The following PCDH15 variants were observed in gnomAD, a reference collection of about 807,000 sequenced individuals.
PCDH15 encodes protocadherin related 15.
A neutral mutation model predicts 178.5 loss-of-function variants in PCDH15; 129 were observed. That is an observed-to-expected ratio of 0.72 (90% CI 0.63 to 0.84). PCDH15 has a LOEUF of 0.84. Among genes scored for constraint, PCDH15 ranks in the 40% least tolerant of loss-of-function variants. PCDH15 has a pLI of 0.00. For synonymous variants in PCDH15, 800 were observed against 732.0 expected (o/e 1.09, Z -1.50); for missense variants, 2,230 against 2,099.9 (o/e 1.06, Z -1.21).
intron 25 of PCDH15, 51 bp downstream of exon 25, chr10:53,938,764 T>A (rs758227097): frequency 7.0e-6 from 11 of 1,579,522 alleles, no homozygotes; most frequent in Middle Eastern, 3.3e-4. Flanking sequence ...TTTAAAAAAT[T>A]AGCAGAGACA....
intron 13 of PCDH15, among the ~76,000 whole-genome samples, chr10:54,180,233 A>T (rs561095881): frequency 6.6e-6 from 1 of 152,348 alleles, no homozygotes; most frequent in African/African-American, 2.4e-5. Context: ...GCTTTTTGAA[A>T]AAATCAAGTG....
intron 2 of PCDH15, among the ~76,000 whole-genome samples, chr10:55,333,320 G>C (rs1844263412): frequency 6.6e-6 from 1 of 152,068 alleles, no homozygotes; most frequent in Non-Finnish European, 1.5e-5. Flanking sequence ...GAGAGAGGGT[G>C]AGACTGGCAA....
At chr10:55,540,939 G>C (rs1841745184) in intron 2 of PCDH15, among the ~76,000 whole-genome samples, 1 of 151,914 alleles carries the variant, frequency 6.6e-6, no homozygotes, top group Non-Finnish European at 1.5e-5. Context: ...TATTAAATTT[G>C]TCTTGTGACA....
intron 1 of PCDH15, among the ~76,000 whole-genome samples, chr10:54,724,920 AG>A: frequency 6.6e-6 from 1 of 150,508 alleles, no homozygotes; most frequent in Non-Finnish European, 1.5e-5. Flanking sequence ...ATATAGATAT[AG>A]ATATAGATAT....
At chr10:55,557,068 T>A (rs1842104794) in intron 2 of PCDH15, among the ~76,000 whole-genome samples, 1 of 152,162 alleles carries the variant, frequency 6.6e-6, no homozygotes, top group Non-Finnish European at 1.5e-5. Context: ...AAACACATTC[T>A]TTAGCATTCC....
chr10:53,844,780 T>C (rs2077868879), intron 28 of PCDH15, among the ~76,000 whole-genome samples: 1 of 151,942 alleles, frequency 6.6e-6, no homozygotes. Flanking sequence ...AAACTACTAG[T>C]AGAAAATATT....
Position 54,754,573 on chromosome 10 carries a change from C to T in PCDH15, c.-29+46352G>A, listed in dbSNP as rs1373987929. ...GTAATACAGAAATAAATTTTCACTA[C>T]AAAGAAATTTTGAATAAGTATTGAC... On this transcript the variant is annotated intron_variant, in intron 1 of 37. Coordinates refer to ENST00000644397, the MANE Select transcript of PCDH15 (RefSeq NM_001384140.1). Among the ~76,000 whole-genome samples the T allele has an allele frequency of 3.9e-5, 6 of 151,928 alleles. No individual in the cohort carries two copies. In the East Asian group the frequency reaches 9.6e-4, roughly 24 times the overall value.
At chr10:54,398,238 A>C (rs1479443317) in intron 3 of PCDH15, among the ~76,000 whole-genome samples, 1 of 151,904 alleles carries the variant, frequency 6.6e-6, no homozygotes, top group Non-Finnish European at 1.5e-5. Flanking sequence ...GTTTAAAAAA[A>C]AATTAGTCTT....
At chr10:53,955,075 T>C (rs1325402099) in intron 23 of PCDH15, among the ~76,000 whole-genome samples, 1 of 152,142 alleles carries the variant, frequency 6.6e-6, no homozygotes, top group Non-Finnish European at 1.5e-5. Flanking sequence ...AGCATTCCTC[T>C]CCCCTAGTTA....
At chr10:54,738,369 T>C (rs1303361650) in intron 1 of PCDH15, among the ~76,000 whole-genome samples, 1 of 152,084 alleles carries the variant, frequency 6.6e-6, no homozygotes. Context: ...TTCTGTAAGG[T>C]AACAATGTGG....
intron 2 of PCDH15, among the ~76,000 whole-genome samples, chr10:55,007,695 G>C (rs532045625): frequency 1.3e-5 from 2 of 151,982 alleles, no homozygotes; most frequent in African/African-American, 4.8e-5. Flanking sequence ...TGTCCTACAG[G>C]TCATATTTTA....
At chr10:55,005,226 A>AATAATAATAATAATCATC (rs34847205) in intron 2 of PCDH15, among the ~76,000 whole-genome samples, 22,088 of 146,258 alleles carry the variant, frequency 0.15, 2,161 homozygotes, top group East Asian at 0.36. Flanking sequence ...TAATAATAAT[A>AATAATAATAATAATCATC]ATCAATGGAG....
intron 1 of PCDH15, among the ~76,000 whole-genome samples, chr10:54,677,568 T>C (rs2094814386): frequency 6.6e-6 from 1 of 152,006 alleles, no homozygotes; most frequent in Non-Finnish European, 1.5e-5. Flanking sequence ...AGAATCTAAG[T>C]GTCCATAAAA....
rs563928248 is a variant in PCDH15, at chr10:55,532,456, C to T, written c.-156+95169G>A. On this transcript the variant is annotated intron_variant, in intron 2 of 5. Coordinates refer to the PCDH15 transcript ENST00000613346. ...TTAACAAACATTTTCTGAGTGACTTCTATGTGCTGTGATAGGTGCAATGGA... is the reference window on the plus strand; with the variant it reads ...TTAACAAACATTTTCTGAGTGACTTTTATGTGCTGTGATAGGTGCAATGGA... 5.3e-5 allele frequency among the ~76,000 whole-genome samples: 8 copies of T among 152,168 alleles called. No homozygotes were observed. In the East Asian group the frequency reaches 1.5e-3, roughly 29 times the overall value.
intron 1 of PCDH15, among the ~76,000 whole-genome samples, chr10:55,216,454 G>C (rs1840704804): frequency 6.6e-6 from 1 of 151,820 alleles, no homozygotes; most frequent in Admixed American, 6.6e-5. Context: ...AAAAGAAGTG[G>C]AGGAATGGAA....
intron 2 of PCDH15, among the ~76,000 whole-genome samples, chr10:55,072,940 C>T (rs901002791): frequency 6.7e-6 from 1 of 150,256 alleles, no homozygotes; most frequent in Non-Finnish European, 1.5e-5. Context: ...AAGGCTGGTT[C>T]AATATACGCA....
intron 1 of PCDH15, among the ~76,000 whole-genome samples, chr10:54,789,569 T>A (rs950764424): frequency 9.9e-5 from 15 of 151,924 alleles, no homozygotes; most frequent in African/African-American, 3.4e-4. Flanking sequence ...ATAATCACTA[T>A]TTTACAGTGA....
chr10:53,916,182 T>A (rs2083513298), intron 25 of PCDH15, among the ~76,000 whole-genome samples: 1 of 152,180 alleles, frequency 6.6e-6, no homozygotes, highest in South Asian at 2.1e-4. Context: ...GACACAACCA[T>A]CCATTTCTTT....
upstream of PCDH15, among the ~76,000 whole-genome samples, chr10:54,804,835 T>C (rs897418182): frequency 6.7e-6 from 1 of 149,588 alleles, no homozygotes; most frequent in Non-Finnish European, 1.5e-5. Flanking sequence ...TGGTATTTAA[T>C]GAACAATGAA....
Sources: gnomAD v4.1 joint callset for allele counts (sites outside exome capture counted in the v4.1 genomes callset) on GRCh38, gnomAD v4.1.1 for gene constraint, MANE v1.5 for transcripts, NCBI Gene and HGNC (gene_info 2026-07-23, HGNC 2026-07-21) for gene names.